The following TBL1X variants were observed in gnomAD, a reference collection of about 807,000 sequenced individuals.
TBL1X encodes the protein F-box-like/WD repeat-containing protein TBL1X.
TBL1X carries 10 observed loss-of-function variants against 50.7 expected under a neutral mutation model. The observed-to-expected ratio is 0.20, with a 90% CI of 0.12 to 0.33. The LOEUF (loss-of-function observed/expected upper bound fraction) is 0.33. Among genes scored for constraint, TBL1X ranks in the 10% least tolerant of loss-of-function variants. TBL1X has a pLI of 1.00. For missense variants in TBL1X, 340 were observed against 504.4 expected (o/e 0.67, Z 3.12); for synonymous variants, 190 against 214.7 (o/e 0.88, Z 1.01).
At chrX:9,487,305 T>C (rs1230387207) in intron 1 of TBL1X, among the ~76,000 whole-genome samples, 1 of 111,132 alleles carries the variant, frequency 9.0e-6, no homozygotes, top group Non-Finnish European at 1.9e-5. Context: ...TCACTGCCCC[T>C]TCCCCTTCTC....
At chrX:9,525,045 A>G (rs189838602) in intron 2 of TBL1X, among the ~76,000 whole-genome samples, 316 of 111,897 alleles carry the variant, frequency 2.8e-3, no homozygotes, top group African/African-American at 9.9e-3. Context: ...GTTGGAGCCC[A>G]TTAGAATATT....
intron 2 of TBL1X, among the ~76,000 whole-genome samples, chrX:9,573,926 G>A (rs1307322934): frequency 1.8e-5 from 2 of 112,499 alleles, no homozygotes; most frequent in Non-Finnish European, 3.8e-5. Flanking sequence ...GTCAGCTGGC[G>A]GAACAGGGTA....
intron 5 of TBL1X, among the ~76,000 whole-genome samples, chrX:9,675,277 C>T (rs1012860900): frequency 1.8e-5 from 2 of 111,314 alleles, no homozygotes; most frequent in African/African-American, 6.5e-5. Context: ...GAGGAGAATG[C>T]GCCATCTTGG....
intron 2 of TBL1X, among the ~76,000 whole-genome samples, chrX:9,585,336 C>T (rs1422226902): frequency 1.6e-5 from 1 of 64,039 alleles, no homozygotes; most frequent in East Asian, 8.1e-4. Context: ...CCACCCCCCT[C>T]CCCTCCCCCC....
Position 9,691,605 on chromosome X carries a change from G to A in TBL1X, c.643G>A (p.Asp215Asn), listed in dbSNP as rs1254491563. 3 of 1,209,510 alleles carry A rather than the reference G, an allele frequency of 2.5e-6. No individual in the cohort carries two copies. Among genetic ancestry groups the A allele is most frequent in the African/African-American group, 1.8e-5 (1 of 57,050 alleles). The change falls in exon 8 of 18, where the codon GAT (aspartate) becomes AAT (asparagine). Residue 215 changes from aspartate (D) to asparagine (N), a missense_variant. Asp to Asn is a conservative substitution (Grantham distance 23). This residue lies in a region of TBL1X where 99 missense variants were observed against 93.3 expected (regional missense o/e 1.06). Transcript: ENST00000645353. ...VNNHAKPMEI[D>N]GEVEIPSSKA... ...TAATCACGCGAAGCCAATGGAAATA[G>A]ATGGAGAGGTTGAGATTCCATCCAG...
At chrX:9,669,348 A>G (rs1403562652) in intron 5 of TBL1X, among the ~76,000 whole-genome samples, 2 of 112,029 alleles carry the variant, frequency 1.8e-5, no homozygotes, top group African/African-American at 3.2e-5. Context: ...TTAATTAAAC[A>G]TCTAGTCTCA....
At chrX:9,508,633 C>T (rs1230523722) in intron 2 of TBL1X, among the ~76,000 whole-genome samples, 1 of 111,893 alleles carries the variant, frequency 8.9e-6, no homozygotes, top group Non-Finnish European at 1.9e-5. Flanking sequence ...AAGATGCATG[C>T]ACGTGTATGT....
intron 1 of TBL1X, among the ~76,000 whole-genome samples, chrX:9,479,823 T>A (rs1259067498): frequency 8.9e-6 from 1 of 112,003 alleles, no homozygotes; most frequent in Non-Finnish European, 1.9e-5. Flanking sequence ...TTAAAATTGC[T>A]TATTTACCAG....
intron 2 of TBL1X, among the ~76,000 whole-genome samples, chrX:9,598,027 C>T (rs1256567459): frequency 3.6e-5 from 4 of 111,793 alleles, no homozygotes; most frequent in Non-Finnish European, 5.6e-5. Flanking sequence ...GGATCTTAAC[C>T]GAGTGTGACT....
chrX:9,597,000 C>A (rs1217800913), intron 2 of TBL1X, among the ~76,000 whole-genome samples: 1 of 111,465 alleles, frequency 9.0e-6, no homozygotes, highest in Non-Finnish European at 1.9e-5. Context: ...ATAATGCTAA[C>A]CATGCCCGGA....
chrX:9,476,095 T>C (rs1359262360), intron 1 of TBL1X, among the ~76,000 whole-genome samples: 2 of 111,878 alleles, frequency 1.8e-5, no homozygotes, highest in Non-Finnish European at 3.8e-5. Flanking sequence ...TTGCTTCTCT[T>C]TATGGTAATA....
intron 2 of TBL1X, among the ~76,000 whole-genome samples, chrX:9,521,753 T>C (rs748392041): frequency 2.7e-5 from 3 of 111,485 alleles, no homozygotes; most frequent in Non-Finnish European, 3.8e-5. Flanking sequence ...ATTGTATTTA[T>C]TGAAAAAAAT....
chrX:9,493,013 T>C (rs1449936869), intron 1 of TBL1X, among the ~76,000 whole-genome samples: 1 of 110,797 alleles, frequency 9.0e-6, no homozygotes, highest in Non-Finnish European at 1.9e-5. Flanking sequence ...GTGATGAATG[T>C]AGTGCATTGC....
chrX:9,499,589 C>T (rs759064684), intron 1 of TBL1X, among the ~76,000 whole-genome samples: 2 of 112,433 alleles, frequency 1.8e-5, no homozygotes, highest in African/African-American at 6.4e-5. Flanking sequence ...CACAAGCTGG[C>T]CAAGATCATC....
At chrX:9,582,953 C>G (rs769593776) in intron 2 of TBL1X, among the ~76,000 whole-genome samples, 214 of 112,797 alleles carry the variant, frequency 1.9e-3, no homozygotes, top group Non-Finnish European at 2.6e-3. Context: ...AAGCAGATCT[C>G]AGACATCATG....
chrX:9,472,280 TTA>T (rs1353820571), intron 1 of TBL1X, among the ~76,000 whole-genome samples: 2 of 24,534 alleles, frequency 8.2e-5, no homozygotes, highest in Non-Finnish European at 1.8e-4. Flanking sequence ...AACAAATACT[TTA>T]TTTATGTATT....
chrX:9,471,292 G>C (rs928588143), intron 1 of TBL1X, among the ~76,000 whole-genome samples: 2 of 111,972 alleles, frequency 1.8e-5, no homozygotes, highest in African/African-American at 6.5e-5. Flanking sequence ...GGTGACTTTT[G>C]TCCTGCCTGA....
chrX:9,638,106 T>C (rs1195303900), intron 2 of TBL1X, among the ~76,000 whole-genome samples: 2 of 111,604 alleles, frequency 1.8e-5, no homozygotes, highest in Non-Finnish European at 3.8e-5. Flanking sequence ...CATGCTGTGT[T>C]GTGTCAGCTT....
At chrX:9,463,690 A>G (rs1318083561), upstream of TBL1X, among the ~76,000 whole-genome samples, 1 of 111,944 alleles carries the variant, frequency 8.9e-6, no homozygotes, top group Non-Finnish European at 1.9e-5. Context: ...TCAGGAGTTC[A>G]GACCAGTCTG....
Sources: allele counts gnomAD v4.1 joint callset (sites outside exome capture counted in the v4.1 genomes callset), GRCh38; gene constraint gnomAD v4.1.1; regional missense constraint gnomAD v4.1.1; transcripts MANE v1.5; gene names NCBI Gene and HGNC (gene_info 2026-07-23, HGNC 2026-07-21).